Variants in AK8 observed in about 807,000 individuals in gnomAD.
AK8 encodes ATP-AMP transphosphorylase 8.
AK8 carries 44 observed loss-of-function variants against 54.6 expected under a neutral mutation model. That is an observed-to-expected ratio of 0.81 (90% CI 0.63 to 1.04). AK8 has a LOEUF of 1.04. Ranked by LOEUF, AK8 falls within the 50% of genes least tolerant of loss-of-function variation. The pLI, the probability that AK8 is intolerant of heterozygous loss-of-function variation, is 0.00. For synonymous variants in AK8, 239 were observed against 245.6 expected (o/e 0.97, Z 0.25); for missense variants, 555 against 613.6 (o/e 0.90, Z 1.01).
At chr9:132,846,504 G>GATGAATGAATGAATGAATGA (rs56358230) in intron 5 of AK8, among the ~76,000 whole-genome samples, 1 of 150,872 alleles carries the variant, frequency 6.6e-6, no homozygotes, top group Admixed American at 6.6e-5. Flanking sequence ...TGAGAGAATA[G>GATGAATGAATGAATGAATGA]ATGAATGAAT....
chr9:132,755,664 A>C (rs1012695879), intron 11 of AK8, among the ~76,000 whole-genome samples: 1 of 152,234 alleles, frequency 6.6e-6, no homozygotes, highest in Non-Finnish European at 1.5e-5. Flanking sequence ...TGGTGGCCCC[A>C]GTAGCCGTTG....
chr9:132,768,129 G>A (rs1564391302), intron 11 of AK8, among the ~76,000 whole-genome samples: 1 of 152,182 alleles, frequency 6.6e-6, no homozygotes, highest in Non-Finnish European at 1.5e-5. Flanking sequence ...AGAAATGATA[G>A]ATGTTTAAGG....
At chr9:132,737,058 G>A (rs1837156758) in intron 11 of AK8, among the ~76,000 whole-genome samples, 1 of 152,024 alleles carries the variant, frequency 6.6e-6, no homozygotes, top group African/African-American at 2.4e-5. Flanking sequence ...GAGCGGTGGT[G>A]ATGTTTGTAC....
At chr9:132,865,267 A>G (rs1843541335) in intron 3 of AK8, among the ~76,000 whole-genome samples, 3 of 152,228 alleles carry the variant, frequency 2.0e-5, no homozygotes, top group Non-Finnish European at 4.4e-5. Context: ...ACAGATGAGT[A>G]GAACAGCTAT....
intron 10 of AK8, among the ~76,000 whole-genome samples, chr9:132,805,774 TATCTTGGCC>T (rs1256581095): frequency 1.3e-5 from 2 of 152,114 alleles, no homozygotes; most frequent in East Asian, 3.9e-4. Context: ...TCTGCTTGGC[TATCTTGGCC>T]ACAGCTTTCT....
intron 11 of AK8, among the ~76,000 whole-genome samples, chr9:132,745,446 G>A (rs1434566315): frequency 6.6e-6 from 1 of 152,150 alleles, no homozygotes; most frequent in Non-Finnish European, 1.5e-5. Flanking sequence ...CTGTAATGTG[G>A]AGAAGGCGGG....
At chr9:132,812,563 C>CACTGGGAT (rs1564415180) in intron 10 of AK8, among the ~76,000 whole-genome samples, 10 of 150,714 alleles carry the variant, frequency 6.6e-5, no homozygotes, top group Non-Finnish European at 8.9e-5. Flanking sequence ...CCGCCGCGCC[C>CACTGGGAT]GGCCGCTAGG....
At chr9:132,876,641 T>A (rs1844114273) in intron 1 of AK8, among the ~76,000 whole-genome samples, 1 of 152,244 alleles carries the variant, frequency 6.6e-6, no homozygotes, top group African/African-American at 2.4e-5. Flanking sequence ...TTATGTTAGA[T>A]GTTATCACGG....
At position 132,803,849 on chromosome 9, in the gene AK8, C is replaced by T. The variant is rs894076188; in HGVS notation, c.979+10789G>A. On this transcript the variant is annotated intron_variant, in intron 10 of 12. Transcript: ENST00000298545. This position sits in a 1 kb window ranked among gnomAD's most constrained non-coding sequence, Gnocchi z 4.4. Reference sequence around the variant, plus strand: ...TCTCTGGGCCGGGCATGGTGGTTCACGCCTGTAATCCCAGCACTTTGGGAG... The same window carrying T: ...TCTCTGGGCCGGGCATGGTGGTTCATGCCTGTAATCCCAGCACTTTGGGAG... 1.3e-5 allele frequency among the ~76,000 whole-genome samples: 2 copies of T among 152,112 alleles called. No individual in the cohort carries two copies. The highest frequency in any genetic ancestry group is 4.1e-4 in the South Asian group (2 of 4,820).
intron 11 of AK8, among the ~76,000 whole-genome samples, chr9:132,738,274 C>T (rs1030513006): frequency 1.3e-5 from 2 of 152,022 alleles, no homozygotes; most frequent in African/African-American, 2.4e-5. Context: ...AGGATGATCT[C>T]GATTTCCTGA....
intron 10 of AK8, among the ~76,000 whole-genome samples, chr9:132,802,168 C>T (rs1840490713): frequency 6.6e-6 from 1 of 152,258 alleles, no homozygotes; most frequent in African/African-American, 2.4e-5. Context: ...GGGGATCCAG[C>T]TCCTGAGGGC....
At chr9:132,861,227 A>C (rs1176688105) in intron 4 of AK8, among the ~76,000 whole-genome samples, 2 of 152,208 alleles carry the variant, frequency 1.3e-5, no homozygotes, top group African/African-American at 4.8e-5. Flanking sequence ...AGAACATTAC[A>C]GTGTGCCCTT....
At chr9:132,736,821 A>G (rs1031979890) in intron 11 of AK8, among the ~76,000 whole-genome samples, 1 of 151,360 alleles carries the variant, frequency 6.6e-6, no homozygotes, top group Non-Finnish European at 1.5e-5. Flanking sequence ...ATTTTGACAC[A>G]TGCTAAAACC....
At chr9:132,762,866 G>C (rs1165903706) in intron 11 of AK8, among the ~76,000 whole-genome samples, 1 of 152,164 alleles carries the variant, frequency 6.6e-6, no homozygotes, top group East Asian at 1.9e-4. Flanking sequence ...GACAGAGCGA[G>C]ACTCTATCTC....
intron 5 of AK8, among the ~76,000 whole-genome samples, chr9:132,832,843 A>G (rs1842161823): frequency 6.6e-6 from 1 of 152,156 alleles, no homozygotes; most frequent in East Asian, 1.9e-4. Flanking sequence ...GCCTCACTGG[A>G]GTGTCATTCT....
chr9:132,848,130 AAAAAAAAAAAAAAG>A (rs1224306227), intron 5 of AK8, among the ~76,000 whole-genome samples: 10 of 145,914 alleles, frequency 6.9e-5, no homozygotes, highest in East Asian at 2.1e-4. Context: ...AAAAAAAAAA[AAAAAAAAAAAAAAG>A]ATTGAAGAGA....
chr9:132,825,829 G>T (rs1841846349), intron 8 of AK8, among the ~76,000 whole-genome samples: 2 of 152,198 alleles, frequency 1.3e-5, no homozygotes, highest in Non-Finnish European at 2.9e-5. Flanking sequence ...AAAGGACTTT[G>T]TAAACTGTCA....
At chr9:132,857,913 G>C (rs1465808235) in intron 4 of AK8, among the ~76,000 whole-genome samples, 1 of 152,212 alleles carries the variant, frequency 6.6e-6, no homozygotes, top group African/African-American at 2.4e-5. Context: ...GGCTTTCAGA[G>C]GCCGCTTCTA....
chr9:132,828,517 C>T, intron 6 of AK8, 128 bp downstream of exon 6: 1 of 750,784 alleles, frequency 1.3e-6, no homozygotes, highest in Admixed American at 3.0e-5. Flanking sequence ...TTGTGCTGTC[C>T]TCTTCCTTGC....
Sources: gnomAD v4.1 joint callset for allele counts (sites outside exome capture counted in the v4.1 genomes callset) on GRCh38, gnomAD v4.1.1 for gene constraint, Gnocchi (gnomAD v3.1) non-coding constraint, MANE v1.5 for transcripts, NCBI Gene and HGNC (gene_info 2026-07-23, HGNC 2026-07-21) for gene names.